Variants in PCDH10 observed in about 807,000 individuals in gnomAD.
PCDH10 encodes the protein protocadherin-10.
A neutral mutation model predicts 74.4 loss-of-function variants in PCDH10; 15 were observed. The ratio of observed to expected loss-of-function variants is 0.20; its 90% confidence interval spans 0.13 to 0.31. PCDH10 has a LOEUF of 0.31. Among genes scored for constraint, PCDH10 ranks in the 10% least tolerant of loss-of-function variants. The pLI, the probability that PCDH10 is intolerant of heterozygous loss-of-function variation, is 1.00. For missense variants in PCDH10, 1,260 were observed against 1,390.2 expected, an observed-to-expected ratio of 0.91 and a Z score of 1.49; for synonymous variants, 619 against 589.8, an observed-to-expected ratio of 1.05 and a Z score of -0.72.
intron 2 of PCDH10, among the ~76,000 whole-genome samples, chr4:133,207,597 GT>G (rs1240381825): frequency 2.6e-5 from 4 of 151,412 alleles, no homozygotes; most frequent in African/African-American, 9.7e-5. Context: ...AATTTTTCAT[GT>G]TTAAAAAAAG....
At chr4:133,169,241 A>G (rs1197629739) in intron 4 of PCDH10, among the ~76,000 whole-genome samples, 1 of 151,628 alleles carries the variant, frequency 6.6e-6, no homozygotes, top group Non-Finnish European at 1.5e-5. Context: ...CCTCTAGTTT[A>G]GTCACTTTTT....
At chr4:133,190,061 T>G in intron 4 of PCDH10, 80 bp from the exon 5 acceptor site, 1 of 1,231,698 alleles carries the variant, frequency 8.1e-7, no homozygotes, top group Non-Finnish European at 1.2e-6. Context: ...AACTGTATTC[T>G]TTCTTTTACA....
At chr4:133,176,391 T>C (rs1043609283) in intron 4 of PCDH10, among the ~76,000 whole-genome samples, 2 of 152,156 alleles carry the variant, frequency 1.3e-5, no homozygotes, top group African/African-American at 4.8e-5. Context: ...AATTAAATTA[T>C]TTAACATATT....
rs1005647017 is a variant in PCDH10 at position 133,190,759 on chromosome 4, ATATAT to A, written c.*610_*614del. 20 of 149,812 alleles carry A rather than the reference ATATAT, an allele frequency of 1.3e-4. No homozygotes were observed. Among genetic ancestry groups the A allele is most frequent in the Non-Finnish European group, 2.2e-4 (15 of 67,422 alleles). The allele number at this position is 149,812 out of a possible 1,614,324, so 9.3% of individuals were successfully genotyped here. ...AAGCTTCTAAATAAATATAAAATAT[ATATAT>A]TATATTATATAATTTTCCTAAAATG... On this transcript the variant is annotated 3_prime_UTR_variant, in exon 5 of 5. Transcript: ENST00000264360.
downstream of PCDH10, among the ~76,000 whole-genome samples, chr4:133,197,240 A>G (rs989689232): frequency 5.3e-5 from 8 of 152,208 alleles, no homozygotes; most frequent in Admixed American, 5.2e-4. Flanking sequence ...CTGAATATGT[A>G]TTTCCATACA....
intron 2 of PCDH10, among the ~76,000 whole-genome samples, chr4:133,204,794 G>A (rs1215747000): frequency 6.6e-6 from 1 of 152,106 alleles, no homozygotes; most frequent in Non-Finnish European, 1.5e-5. Flanking sequence ...GGGATTATTG[G>A]GATGGAGAAT....
chr4:133,173,361 A>G (rs982101389), intron 4 of PCDH10, among the ~76,000 whole-genome samples: 8 of 152,022 alleles, frequency 5.3e-5, no homozygotes, highest in African/African-American at 1.4e-4. Flanking sequence ...AGCAGAAAAG[A>G]GGAAATGTAT....
In PCDH10 at chr4:133,187,480, TCTA is replaced by T. The variant is rs141712909; in HGVS notation, c.3104-2660_3104-2658del. ...CTTCATAAATGTAAGATTAGCTTCTTCTAACATGGAGGAAATCTTCCTTCCTCA... is the reference window on the plus strand; with the variant it reads ...CTTCATAAATGTAAGATTAGCTTCTTACATGGAGGAAATCTTCCTTCCTCA... On this transcript the variant is annotated intron_variant, in intron 4 of 4. Transcript: ENST00000264360. 4.0e-3 allele frequency among the ~76,000 whole-genome samples: 615 copies of T among 152,132 alleles called. 3 individuals carry two copies. The highest frequency in any genetic ancestry group is 0.014 in the African/African-American group (575 of 41,502).
At chr4:133,197,130 A>T (rs1433867898), downstream of PCDH10, among the ~76,000 whole-genome samples, 2 of 152,164 alleles carry the variant, frequency 1.3e-5, no homozygotes, top group Middle Eastern at 3.4e-3. Context: ...TTCTTCCTCC[A>T]CTTCCTTTTA....
intron 4 of PCDH10, among the ~76,000 whole-genome samples, chr4:133,175,304 A>G (rs1050552431): frequency 6.6e-6 from 1 of 152,060 alleles, no homozygotes; most frequent in Admixed American, 6.6e-5. Flanking sequence ...TAAAACTGTA[A>G]AAACTTTTTA....
intron 4 of PCDH10, among the ~76,000 whole-genome samples, chr4:133,173,256 G>C (rs1470656804): frequency 6.6e-6 from 1 of 151,912 alleles, no homozygotes; most frequent in African/African-American, 2.4e-5. Flanking sequence ...ATTCTGAATT[G>C]AGAGGAAAAG....
chr4:133,152,942 A>G lies in PCDH10; in HGVS notation c.2631+171A>G. The G allele has an allele frequency of 2.1e-6, 3 of 1,451,520 alleles. No individual in the cohort carries two copies. In the South Asian group the frequency reaches 4.5e-5, roughly 22 times the overall value. 89.9% of individuals were successfully genotyped at this position (1,451,520 alleles called of 1,614,324 possible). A position where few individuals can be genotyped will look rare whatever the true frequency, so the allele number is the denominator to read the frequency against. ...ACCTTCTCCCACTCCTTCGTGTGTA[A>G]CCTAACTTTCGCGTTGTTCCACCCT... On this transcript the variant is annotated intron_variant, in intron 1 of 4. Coordinates refer to ENST00000264360, the MANE Select transcript of PCDH10 (RefSeq NM_032961.3).
Position 133,162,931 on chromosome 4 carries a change from C to A in PCDH10, c.2798-46C>A, listed in dbSNP as rs773626422. The A allele has an allele frequency of 4.0e-6, 6 of 1,481,766 alleles. No individual in the cohort carries two copies. The South Asian group carries it at 4.9e-5, about 12-fold the overall frequency. The allele number at this position is 1,481,766 out of a possible 1,614,324, so 91.8% of individuals were successfully genotyped here. A position where few individuals can be genotyped will look rare whatever the true frequency, so the allele number is the denominator to read the frequency against. ...AATCTTACACTGCTAAGTAACTGGT[C>A]ATGTTGGTGAAGACTACATCCGTAG... On this transcript the variant is annotated intron_variant, in intron 3 of 4. Coordinates refer to ENST00000264360, the MANE Select transcript of PCDH10 (RefSeq NM_032961.3).
At chr4:133,183,023 T>C (rs76075313) in intron 4 of PCDH10, among the ~76,000 whole-genome samples, 1 of 152,056 alleles carries the variant, frequency 6.6e-6, no homozygotes, top group East Asian at 1.9e-4. Flanking sequence ...TTCTTGTATC[T>C]AAATGGAAAA....
At chr4:133,197,840 G>A (rs1025772928), downstream of PCDH10, among the ~76,000 whole-genome samples, 1 of 152,084 alleles carries the variant, frequency 6.6e-6, no homozygotes, top group Non-Finnish European at 1.5e-5. Context: ...ATGGTGAATT[G>A]TGTAAGCCCA....
intron 4 of PCDH10, among the ~76,000 whole-genome samples, chr4:133,166,490 A>G (rs1727084401): frequency 6.6e-6 from 1 of 151,588 alleles, no homozygotes; most frequent in African/African-American, 2.4e-5. Flanking sequence ...CAAATGGCAC[A>G]GTAAGTTATG....
At chr4:133,169,856 A>G (rs910125398) in intron 4 of PCDH10, among the ~76,000 whole-genome samples, 1 of 152,008 alleles carries the variant, frequency 6.6e-6, no homozygotes, top group Admixed American at 6.6e-5. Flanking sequence ...CAATCCTTTT[A>G]ATAGAAATTA....
At chr4:133,188,250 A>T (rs529206303) in intron 4 of PCDH10, among the ~76,000 whole-genome samples, 1 of 152,256 alleles carries the variant, frequency 6.6e-6, no homozygotes, top group African/African-American at 2.4e-5. Flanking sequence ...TTAGACAACA[A>T]ATTATTTGGT....
chr4:133,185,394 G>GA (rs146203465), intron 4 of PCDH10, among the ~76,000 whole-genome samples: 4,841 of 150,184 alleles, frequency 0.032, 177 homozygotes, highest in African/African-American at 0.093. Context: ...AGGTTAAACT[G>GA]AAAAAAAAAT....
Sources: gnomAD v4.1 joint callset for allele counts (sites outside exome capture counted in the v4.1 genomes callset) on GRCh38, gnomAD v4.1.1 for gene constraint, MANE v1.5 for transcripts, NCBI Gene and HGNC (gene_info 2026-07-23, HGNC 2026-07-21) for gene names.